The following C8orf74 variants were observed in gnomAD, a reference collection of about 807,000 sequenced individuals.
C8orf74 encodes the protein chromosome 8 open reading frame 74, also known as uncharacterized protein C8orf74.
In C8orf74, 29 loss-of-function variants were observed where a neutral mutation model predicts 22.2. The observed-to-expected ratio is 1.31, with a 90% CI of 0.97 to 1.78. C8orf74 has a LOEUF of 1.78. Ranked by LOEUF, C8orf74 falls within the 40% of genes most tolerant of loss-of-function variation. C8orf74 has a pLI of 0.00. For missense variants in C8orf74, 515 were observed against 369.9 expected, an observed-to-expected ratio of 1.39 and a Z score of -3.22; for synonymous variants, 255 against 163.1, an observed-to-expected ratio of 1.56 and a Z score of -4.30.
At chr8:10,676,124 A>G (rs1799027584) in intron 2 of C8orf74, among the ~76,000 whole-genome samples, 1 of 152,120 alleles carries the variant, frequency 6.6e-6, no homozygotes, top group African/African-American at 2.4e-5. Flanking sequence ...GTTTCTTTCT[A>G]CTATTGTTGC....
rs1250700043 is a variant in C8orf74, at chr8:10,674,370, C to T, written c.49-276C>T. Among the ~76,000 whole-genome samples, 83 of 75,102 alleles carry T rather than the reference C, an allele frequency of 1.1e-3. 1 individual carries two copies. The highest frequency in any genetic ancestry group is 3.8e-3 in the African/African-American group (78 of 20,732). The allele number at this position is 75,102 out of a possible 152,430, so 49.3% of individuals were successfully genotyped here. The stretch of plus-strand genomic sequence containing the variant: ...CCTGTAGCCCCCATATCATGCCCTG[C>T]AACCCCCATATCACACCCCGCAGCC... On this transcript the variant is annotated intron_variant, in intron 1 of 3. Transcript: ENST00000304519.
At chr8:10,681,772 G>T (rs1037206647) in intron 2 of C8orf74, among the ~76,000 whole-genome samples, 1 of 152,192 alleles carries the variant, frequency 6.6e-6, no homozygotes, top group African/African-American at 2.4e-5. Flanking sequence ...GGCCAGGCCC[G>T]CCAATCCCAG....
intron 2 of C8orf74, chr8:10,689,550 A>C (rs889222775): frequency 6.6e-6 from 1 of 151,996 alleles, no homozygotes; most frequent in Non-Finnish European, 1.5e-5. Context: ...TATACAGGTG[A>C]CTCTTGAAGA....
At chr8:10,693,681 G>A (rs201123664) in intron 2 of C8orf74, among the ~76,000 whole-genome samples, 20 of 152,138 alleles carry the variant, frequency 1.3e-4, no homozygotes, top group East Asian at 1.2e-3. Context: ...AGACGTCAGC[G>A]TCTCATCATA....
At chr8:10,700,084 G>T in intron 3 of C8orf74, 151 bp from the exon 4 acceptor site, 1 of 505,994 alleles carries the variant, frequency 2.0e-6, no homozygotes, top group Non-Finnish European at 3.4e-6. Flanking sequence ...AAGTCAACCA[G>T]AAGCCAGAGG....
intron 2 of C8orf74, among the ~76,000 whole-genome samples, chr8:10,695,647 A>C (rs1799475139): frequency 6.6e-6 from 1 of 152,138 alleles, no homozygotes. Flanking sequence ...GGAAACATGA[A>C]GGGAATGGGG....
At chr8:10,698,069 G>T in intron 3 of C8orf74, 64 bp downstream of exon 3, 1 of 1,419,118 alleles carries the variant, frequency 7.0e-7, no homozygotes, top group Non-Finnish European at 9.2e-7. Flanking sequence ...GCCAGGGCTG[G>T]AGTCACTGCA....
Position 10,697,820 on chromosome 8 carries a change from G to A in C8orf74, c.463G>A (p.Glu155Lys), listed in dbSNP as rs759519190. The A allele has an allele frequency of 1.9e-6, 3 of 1,613,938 alleles. No individual in the cohort carries two copies. Among genetic ancestry groups the A allele is most frequent in the African/African-American group, 1.3e-5 (1 of 75,068 alleles). Residue 155 changes from glutamate (E) to lysine (K), a missense_variant, in exon 3 of 4, where the codon GAG becomes AAG. Transcript: ENST00000304519. The stretch of plus-strand genomic sequence containing the variant: ...GCCACCCCATCCCCTCCCGCTGGCC[G>A]AGGGCATGGACAGGGACTTGTGGAT... Reference protein sequence around the residue: ...CMPPHPLPLAEGMDRDLWIHE... With the variant: ...CMPPHPLPLAKGMDRDLWIHE...
At chr8:10,695,517 T>A (rs1799472552) in intron 2 of C8orf74, among the ~76,000 whole-genome samples, 1 of 151,936 alleles carries the variant, frequency 6.6e-6, no homozygotes, top group South Asian at 2.1e-4. Flanking sequence ...CCAAGTGGAG[T>A]GGTGCCCCTT....
chr8:10,690,311 T>C lies in C8orf74; in HGVS notation c.242-7288T>C, dbSNP rs535016570. Among the ~76,000 whole-genome samples the C allele has an allele frequency of 3.9e-5, 6 of 152,070 alleles. No homozygotes were observed. The East Asian group carries it at 1.2e-3, about 29-fold the overall frequency. On this transcript the variant is annotated intron_variant, in intron 2 of 3. Transcript: ENST00000304519. ...AGCATGCATGGCACAAGGCGGTGGGTGCTCCCTAACTGAGGGGAGCTCACC... is the reference window on the plus strand; with the variant it reads ...AGCATGCATGGCACAAGGCGGTGGGCGCTCCCTAACTGAGGGGAGCTCACC...
intron 2 of C8orf74, among the ~76,000 whole-genome samples, chr8:10,682,884 T>A (rs892627452): frequency 6.6e-6 from 1 of 152,212 alleles, no homozygotes; most frequent in East Asian, 1.9e-4. Flanking sequence ...TAACACAGCT[T>A]CTGTAATTGT....
chr8:10,691,378 G>A (rs1799377756), intron 2 of C8orf74: 1 of 170,174 alleles, frequency 5.9e-6, no homozygotes, highest in African/African-American at 2.4e-5. Context: ...TACGGCTGCT[G>A]GGGCTGAACA....
intron 2 of C8orf74, among the ~76,000 whole-genome samples, chr8:10,697,212 G>C (rs2129059071): frequency 6.6e-6 from 1 of 152,196 alleles, no homozygotes; most frequent in East Asian, 1.9e-4. Context: ...GCCGAGGCAG[G>C]AGGATCGCTT....
intron 1 of C8orf74, 78 bp downstream of exon 1, chr8:10,672,791 C>T: frequency 2.2e-6 from 3 of 1,360,378 alleles, no homozygotes; most frequent in Non-Finnish European, 3.1e-6. Context: ...ACTGGAAGCG[C>T]CTCTTCAGGA....
intron 2 of C8orf74, among the ~76,000 whole-genome samples, chr8:10,694,871 G>A (rs1799456113): frequency 1.3e-5 from 2 of 152,110 alleles, no homozygotes; most frequent in Admixed American, 6.5e-5. Flanking sequence ...TGGAAGAGTG[G>A]ATGAATGAAT....
chr8:10,698,512 AGGATCCGGTGCCT>A (rs1799580682), intron 3 of C8orf74, among the ~76,000 whole-genome samples: 1 of 152,052 alleles, frequency 6.6e-6, no homozygotes, highest in Admixed American at 6.5e-5. Context: ...AGGACTTAGG[AGGATCCGGTGCCT>A]GGATCTCAGA....
rs1346467790 is a variant in C8orf74, at chr8:10,700,514, C to T, written c.*43C>T. 2 of 1,318,986 alleles carry T rather than the reference C, an allele frequency of 1.5e-6. No homozygotes were observed. The highest frequency in any genetic ancestry group is 2.1e-6 in the Non-Finnish European group (2 of 963,542). The allele number at this position is 1,318,986 out of a possible 1,614,324, so 81.7% of individuals were successfully genotyped here. A position where few individuals can be genotyped will look rare whatever the true frequency, so the allele number is the denominator to read the frequency against. On this transcript the variant is annotated 3_prime_UTR_variant, in exon 4 of 4. Coordinates refer to ENST00000304519, the MANE Select transcript of C8orf74 (RefSeq NM_001040032.2). ...ACGAGACTGACTGGGGACCAGCCACCCATAACCATGAGCCTTGCGGCACGG... is the reference window on the plus strand; with the variant it reads ...ACGAGACTGACTGGGGACCAGCCACTCATAACCATGAGCCTTGCGGCACGG...
Position 10,700,356 on chromosome 8 carries a change from T to C in C8orf74, c.770T>C (p.Leu257Pro). The change falls in exon 4 of 4, where the codon CTG becomes CCG. Residue 257 changes from leucine to proline, a missense_variant. By Grantham distance (98) the Leu-to-Pro change is moderately conservative (BLOSUM62 -3). Transcript: ENST00000304519. ...GACCTGAAGCTTCAGAAGAAGACTC[T>C]GAACCTCAACGCCCCCACCCCTATC... The part of the protein sequence containing the change: ...ILDLKLQKKT[L>P]NLNAPTPIPP... 6.2e-7 allele frequency: 1 copy of C among 1,613,664 alleles called. No individual in the cohort carries two copies.
intron 2 of C8orf74, among the ~76,000 whole-genome samples, chr8:10,696,949 C>A (rs1586053233): frequency 1.5e-5 from 2 of 137,056 alleles, no homozygotes; most frequent in African/African-American, 3.1e-5. Flanking sequence ...AGCTTATGCC[C>A]AGGAGTTCGA....
Sources: gnomAD v4.1 joint callset for allele counts (sites outside exome capture counted in the v4.1 genomes callset) on GRCh38, gnomAD v4.1.1 for gene constraint, MANE v1.5 for transcripts, NCBI Gene and HGNC (gene_info 2026-07-23, HGNC 2026-07-21) for gene names.